Variants in PIP4K2A observed in about 807,000 individuals in gnomAD.
The protein encoded by PIP4K2A is phosphatidylinositol-5-phosphate 4-kinase type 2 alpha, also known as phosphatidylinositol 5-phosphate 4-kinase type-2 alpha.
PIP4K2A carries 14 observed loss-of-function variants against 42.9 expected under a neutral mutation model. The ratio of observed to expected loss-of-function variants is 0.33; its 90% CI spans 0.22 to 0.51. The LOEUF is 0.51. Ranked by LOEUF, PIP4K2A falls within the 20% of genes least tolerant of loss-of-function variation. The pLI, the probability that PIP4K2A is intolerant of heterozygous loss-of-function variation, is 0.97. For missense variants in PIP4K2A, 434 were observed against 519.8 expected, an observed-to-expected ratio of 0.83 and a Z score of 1.61; for synonymous variants, 192 against 192.2, an observed-to-expected ratio of 1.00 and a Z score of 0.01.
intron 1 of PIP4K2A, among the ~76,000 whole-genome samples, chr10:22,652,005 T>A (rs2130813685): frequency 6.6e-6 from 1 of 152,378 alleles, no homozygotes; most frequent in Non-Finnish European, 1.5e-5. Context: ...TGCCTTGCTA[T>A]CTAAATCAGC....
intron 1 of PIP4K2A, among the ~76,000 whole-genome samples, chr10:22,710,071 A>T (rs1417704978): frequency 2.6e-5 from 4 of 152,060 alleles, no homozygotes; most frequent in Non-Finnish European, 5.9e-5. Flanking sequence ...ACCAAAAAAA[A>T]AAAAAAAAAA....
chr10:22,645,298 C>A (rs1289883730), intron 1 of PIP4K2A, among the ~76,000 whole-genome samples: 1 of 152,134 alleles, frequency 6.6e-6, no homozygotes, highest in Non-Finnish European at 1.5e-5. Context: ...ATAATCCCAG[C>A]ACTTTGGGAG....
chr10:22,669,275 CA>C (rs1259290420), intron 1 of PIP4K2A, among the ~76,000 whole-genome samples: 1 of 152,082 alleles, frequency 6.6e-6, no homozygotes, highest in African/African-American at 2.4e-5. Flanking sequence ...CGCATAACGA[CA>C]CTGCAGTCAA....
intron 4 of PIP4K2A, among the ~76,000 whole-genome samples, chr10:22,585,861 A>C (rs377306544): frequency 5.3e-5 from 8 of 152,224 alleles, no homozygotes; most frequent in African/African-American, 1.9e-4. Flanking sequence ...CTCCCAAAGC[A>C]CTGGGGTTAC....
At chr10:22,641,065 A>C (rs1306288557) in intron 1 of PIP4K2A, among the ~76,000 whole-genome samples, 1 of 152,244 alleles carries the variant, frequency 6.6e-6, no homozygotes, top group Non-Finnish European at 1.5e-5. Flanking sequence ...CTTGTGTAGC[A>C]GCAGTATTTT....
At chr10:22,583,704 A>C in intron 4 of PIP4K2A, among the ~76,000 whole-genome samples, 1 of 152,198 alleles carries the variant, frequency 6.6e-6, no homozygotes, top group East Asian at 1.9e-4. Flanking sequence ...GGCCTTCCCA[A>C]ACATTGCAGA....
At chr10:22,695,776 C>G (rs1463387349) in intron 1 of PIP4K2A, among the ~76,000 whole-genome samples, 3 of 152,140 alleles carry the variant, frequency 2.0e-5, no homozygotes, top group Non-Finnish European at 2.9e-5. Flanking sequence ...GTGTAAGTAC[C>G]TAACACAATG....
At chr10:22,576,208 G>T (rs940777474) in intron 4 of PIP4K2A, among the ~76,000 whole-genome samples, 1 of 152,130 alleles carries the variant, frequency 6.6e-6, no homozygotes, top group South Asian at 2.1e-4. Context: ...CTGAATTTCT[G>T]GGGGGAAGCA....
rs151301073 is a variant in PIP4K2A at position 22,697,757 on chromosome 10, TAC to T, written c.144+16424_144+16425del. On this transcript the variant is annotated intron_variant, in intron 1 of 9. Transcript: ENST00000376573. ...TTTTTTAAAAAATTAAACACACACA[TAC>T]ACACACACACACAAACACACACACA... is the stretch of plus-strand genomic sequence containing the variant. 1.8e-3 allele frequency among the ~76,000 whole-genome samples: 270 copies of T among 150,790 alleles called. 2 individuals carry two copies. The highest frequency in any genetic ancestry group is 6.0e-3 in the African/African-American group (248 of 41,116).
intron 3 of PIP4K2A, among the ~76,000 whole-genome samples, chr10:22,606,310 C>G (rs1837905750): frequency 6.6e-6 from 1 of 151,846 alleles, no homozygotes; most frequent in Non-Finnish European, 1.5e-5. Flanking sequence ...GACCTTGTAT[C>G]AAGAAAAAAA....
intron 6 of PIP4K2A, among the ~76,000 whole-genome samples, chr10:22,567,341 C>G (rs1374818242): frequency 6.6e-6 from 1 of 152,190 alleles, no homozygotes; most frequent in Non-Finnish European, 1.5e-5. Context: ...GTCTTCTTAT[C>G]CTTAATTTCT....
rs142813974 is a variant in PIP4K2A, at chr10:22,571,456, G to A, written c.639+1855C>T. ...GTAAAAGACTTTTCTGATGACATTG[G>A]TGGTAACACTGTTATGACTTTTTGA... On this transcript the variant is annotated intron_variant, in intron 5 of 9. Transcript: ENST00000376573. 3.4e-3 allele frequency among the ~76,000 whole-genome samples: 524 copies of A among 152,318 alleles called. 6 individuals are homozygous for A. Among genetic ancestry groups the A allele is most frequent in the African/African-American group, 0.012 (489 of 41,568 alleles).
At chr10:22,571,944 T>C (rs1564425666) in intron 5 of PIP4K2A, among the ~76,000 whole-genome samples, 1 of 152,230 alleles carries the variant, frequency 6.6e-6, no homozygotes, top group Admixed American at 6.5e-5. Context: ...TGTTTTTGCT[T>C]TTGGAAAATA....
chr10:22,588,621 G>A (rs1482771543), intron 4 of PIP4K2A, among the ~76,000 whole-genome samples: 6 of 152,126 alleles, frequency 3.9e-5, no homozygotes. Context: ...ATAAGGTCAA[G>A]AGTGAATACA....
At chr10:22,711,235 A>T (rs1354709587) in intron 1 of PIP4K2A, among the ~76,000 whole-genome samples, 1 of 152,152 alleles carries the variant, frequency 6.6e-6, no homozygotes, top group East Asian at 1.9e-4. Flanking sequence ...TTACCACCTC[A>T]ATGGACTTGA....
chr10:22,565,043 T>C (rs1459435432), intron 6 of PIP4K2A, among the ~76,000 whole-genome samples: 1 of 152,022 alleles, frequency 6.6e-6, no homozygotes, highest in African/African-American at 2.4e-5. Flanking sequence ...TGTGTACTCA[T>C]CACAGACAAT....
chr10:22,548,499 C>T (rs1836310575), intron 7 of PIP4K2A, among the ~76,000 whole-genome samples: 2 of 152,206 alleles, frequency 1.3e-5, no homozygotes, highest in African/African-American at 2.4e-5. Flanking sequence ...GGCTACTTAC[C>T]ATAATTGCTA....
chr10:22,545,472 A>T (rs537631475), intron 7 of PIP4K2A, among the ~76,000 whole-genome samples: 2 of 152,274 alleles, frequency 1.3e-5, no homozygotes, highest in South Asian at 4.1e-4. Flanking sequence ...CTCCCCTGGC[A>T]CCCCATCTGG....
At chr10:22,552,602 T>A (rs1296576332) in intron 6 of PIP4K2A, among the ~76,000 whole-genome samples, 2 of 151,880 alleles carry the variant, frequency 1.3e-5, no homozygotes, top group Non-Finnish European at 1.5e-5. Flanking sequence ...AAGAATGAAA[T>A]GCAAGGTTCT....
Sources: allele counts gnomAD v4.1 joint callset (sites outside exome capture counted in the v4.1 genomes callset), GRCh38; gene constraint gnomAD v4.1.1; transcripts MANE v1.5; gene names NCBI Gene and HGNC (gene_info 2026-07-23, HGNC 2026-07-21).